Variants in MIOS observed in about 807,000 individuals in gnomAD.
The protein encoded by MIOS is GATOR2 complex protein MIOS.
Under a neutral mutation model 96.9 loss-of-function variants are expected in MIOS, and 52 were observed. The ratio of observed to expected loss-of-function variants is 0.54; its 90% CI spans 0.43 to 0.68. The LOEUF (loss-of-function observed/expected upper bound fraction) is 0.68, where lower values mean the gene tolerates loss of function less well. MIOS is among the 30% of genes least tolerant of loss of function. The probability of loss-of-function intolerance (pLI) is 0.00; values close to 1 mark genes in which losing one functional copy is unlikely to be tolerated. For synonymous variants in MIOS, 397 were observed against 359.5 expected, an observed-to-expected ratio of 1.10 and a Z score of -1.18; for missense variants, 1,005 against 1,052.8, an observed-to-expected ratio of 0.95 and a Z score of 0.63.
In MIOS at chr7:7,573,797, G is replaced by A; in HGVS notation, c.1294+28G>A. 6.5e-7 allele frequency: 1 copy of A among 1,533,100 alleles called. No homozygotes were observed. The highest frequency in any genetic ancestry group is 8.8e-7 in the Non-Finnish European group (1 of 1,141,244). The allele number at this position is 1,533,100 out of a possible 1,614,324, so 95.0% of individuals were successfully genotyped here. On this transcript the variant is annotated intron_variant, in intron 4 of 12. Transcript: ENST00000340080. The surrounding 1 kb of genome is among the most constrained non-coding windows in gnomAD (Gnocchi z 5.0). ...ATCCTTTTCATTGTGAATTTTGTGA[G>A]GTGAATCAGGTAGAAATGTTCTTGA...
chr7:7,602,670 G>A (rs369017489), intron 11 of MIOS, among the ~76,000 whole-genome samples: 4,589 of 152,122 alleles, frequency 0.03, 131 homozygotes, highest in African/African-American at 0.067. Context: ...TATAGATTCA[G>A]TGCCATCCCC....
intron 5 of MIOS, among the ~76,000 whole-genome samples, chr7:7,582,217 G>C (rs1464612273): frequency 6.6e-6 from 1 of 151,998 alleles, no homozygotes; most frequent in African/African-American, 2.4e-5. Context: ...TAAAAAGTTG[G>C]TAATGTTGGA....
chr7:7,601,261 A>C (rs1252063279), intron 11 of MIOS, among the ~76,000 whole-genome samples: 2 of 152,146 alleles, frequency 1.3e-5, no homozygotes, highest in African/African-American at 4.8e-5. Flanking sequence ...ACCCTTCAAA[A>C]AATCAATGAA....
rs1215947590 is a variant in MIOS at position 7,596,385 on chromosome 7, T to C, written c.2325T>C (p.Cys775=). The change falls in exon 11 of 13, where the codon TGT becomes TGC. Residue 775 remains cysteine (C), a synonymous_variant. Coordinates refer to ENST00000340080, the MANE Select transcript of MIOS (RefSeq NM_019005.4). ...GSPTKSKVTS[C]PGCRKPLPRC... is the part of the protein sequence containing the mutation. ...CAACGAAATCTAAAGTCACAAGTTG[T>C]CCTGGCTGTCGAAAACCACTTCCTC... The C allele has an allele frequency of 6.2e-7, 1 of 1,614,188 alleles. No homozygotes were observed. Among genetic ancestry groups the C allele is most frequent in the Non-Finnish European group, 8.5e-7 (1 of 1,180,026 alleles).
At chr7:7,583,009 G>T (rs2115406091) in intron 5 of MIOS, 109 bp from the exon 6 acceptor site, 2 of 1,204,708 alleles carry the variant, frequency 1.7e-6, no homozygotes, top group South Asian at 1.7e-5. Context: ...TAAAATTATG[G>T]CCGAGAAGTT....
intron 10 of MIOS, among the ~76,000 whole-genome samples, chr7:7,595,353 A>G (rs1784173604): frequency 6.6e-6 from 1 of 152,172 alleles, no homozygotes; most frequent in South Asian, 2.1e-4. Flanking sequence ...AAACCACAGC[A>G]GGCCTGAAGT....
At chr7:7,587,004 T>TG (rs1207975433) in intron 7 of MIOS, among the ~76,000 whole-genome samples, 1,176 of 77,898 alleles carry the variant, frequency 0.015, 9 homozygotes, top group African/African-American at 0.051. Context: ...TTTTTTTTTT[T>TG]TTTTGTTGTT....
intron 11 of MIOS, among the ~76,000 whole-genome samples, chr7:7,599,734 G>A (rs1784315635): frequency 6.6e-6 from 1 of 152,148 alleles, no homozygotes; most frequent in African/African-American, 2.4e-5. Flanking sequence ...ATCTTTAAAG[G>A]CATTGCTGAG....
chr7:7,594,995 G>A lies in MIOS; in HGVS notation c.2059G>A (p.Val687Ile). 2 of 1,605,396 alleles carry A rather than the reference G, an allele frequency of 1.2e-6. No individual in the cohort carries two copies. The highest frequency in any genetic ancestry group is 1.7e-6 in the Non-Finnish European group (2 of 1,176,928). Reference sequence around the variant, plus strand: ...TTCGTTTTAGGGTTCACCTTTAGATGTTCTTAAAGATGAAAGGGTTCAGTA... The same window carrying A: ...TTCGTTTTAGGGTTCACCTTTAGATATTCTTAAAGATGAAAGGGTTCAGTA... ...YCMLQGSPLDVLKDERVQYWI... is the reference protein window; with the variant it reads ...YCMLQGSPLDILKDERVQYWI... Residue 687 changes from valine (V) to isoleucine (I), a missense_variant, in exon 10 of 13, where the codon GTT (valine) becomes ATT (isoleucine). Transcript: ENST00000340080.
intron 3 of MIOS, among the ~76,000 whole-genome samples, chr7:7,569,673 A>C (rs1340141443): frequency 1.3e-5 from 2 of 152,234 alleles, no homozygotes; most frequent in East Asian, 3.8e-4. Context: ...TGTATAATCC[A>C]GTAGAAGAGA....
chr7:7,603,622 A>G (rs1171350524), intron 11 of MIOS, among the ~76,000 whole-genome samples: 2 of 152,196 alleles, frequency 1.3e-5, no homozygotes, highest in African/African-American at 4.8e-5. Context: ...TGGGACTGTA[A>G]ACTAGTTCAA....
intron 9 of MIOS, among the ~76,000 whole-genome samples, chr7:7,592,249 A>C (rs1463843365): frequency 6.6e-6 from 1 of 152,226 alleles, no homozygotes; most frequent in Admixed American, 6.5e-5. Flanking sequence ...TCGGCCTCCC[A>C]AAGTGCTGGG....
chr7:7,589,664 T>C (rs1217103661), intron 9 of MIOS, 101 bp downstream of exon 9: 56 of 1,307,964 alleles, frequency 4.3e-5, no homozygotes, highest in Non-Finnish European at 1.3e-5. Flanking sequence ...TTAGGATCTT[T>C]AGAAGGCATT....
At chr7:7,569,333 C>T (rs1783265723) in intron 3 of MIOS, among the ~76,000 whole-genome samples, 1 of 152,196 alleles carries the variant, frequency 6.6e-6, no homozygotes, top group South Asian at 2.1e-4. Context: ...CCAGAGACTT[C>T]ATCGGCTCAT....
At chr7:7,568,779 T>C (rs1421297001) in intron 3 of MIOS, among the ~76,000 whole-genome samples, 1 of 152,254 alleles carries the variant, frequency 6.6e-6, no homozygotes, top group Non-Finnish European at 1.5e-5. Context: ...TGGTCTTCAC[T>C]TTACTCCTTT....
intron 11 of MIOS, among the ~76,000 whole-genome samples, chr7:7,600,895 A>C (rs1248818983): frequency 6.6e-6 from 1 of 152,234 alleles, no homozygotes; most frequent in Non-Finnish European, 1.5e-5. Context: ...ATCAAACTAG[A>C]ACTCAGGATT....
In MIOS at chr7:7,585,729, T is replaced by A. The variant is rs1285994896; in HGVS notation, c.1742T>A (p.Leu581Ter). 6.2e-7 allele frequency: 1 copy of A among 1,612,916 alleles called. No homozygotes were observed. The highest frequency in any genetic ancestry group is 1.7e-5 in the Admixed American group (1 of 59,826). Residue 581 changes from leucine to a stop codon, truncating the protein, a stop_gained, in exon 7 of 13, where the codon TTA becomes TAA. Coordinates refer to ENST00000340080, the MANE Select transcript of MIOS (RefSeq NM_019005.4). LOFTEE classifies it high-confidence loss of function. ...LWREMCSTLRLQLNNPYLCVM... is the reference protein window; with the variant it reads ...LWREMCSTLR ...AGAGAAATGTGTAGCACACTGCGAT[T>A]ACAGCTAAATAACCCGTATTTGTGT...
chr7:7,606,356 A>C (rs552108643), intron 12 of MIOS, among the ~76,000 whole-genome samples: 3 of 152,208 alleles, frequency 2.0e-5, no homozygotes, highest in African/African-American at 7.2e-5. Flanking sequence ...ATATGTTTAC[A>C]GTTTTTACAC....
intron 11 of MIOS, among the ~76,000 whole-genome samples, chr7:7,597,767 C>T (rs990746470): frequency 2.6e-5 from 4 of 151,446 alleles, no homozygotes; most frequent in East Asian, 3.9e-4. Flanking sequence ...GGCATGATCT[C>T]GGCTCACGGC....
Sources: gnomAD v4.1 joint callset for allele counts (sites outside exome capture counted in the v4.1 genomes callset) on GRCh38, gnomAD v4.1.1 for gene constraint, Gnocchi (gnomAD v3.1) non-coding constraint, MANE v1.5 for transcripts, NCBI Gene and HGNC (gene_info 2026-07-23, HGNC 2026-07-21) for gene names.